Variants in SCFD2 observed in about 807,000 individuals in gnomAD.
SCFD2 encodes the protein sec1 family domain containing 2.
SCFD2 carries 54 observed loss-of-function variants against 58.9 expected under a neutral mutation model. That is an observed-to-expected ratio of 0.92 (90% CI 0.74 to 1.15). The LOEUF (loss-of-function observed/expected upper bound fraction) is 1.15, where lower values mean the gene tolerates loss of function less well. Among genes scored for constraint, SCFD2 ranks in the 50% most tolerant of loss-of-function variants. SCFD2 has a pLI of 0.00. For missense variants in SCFD2, 805 were observed against 836.6 expected (o/e 0.96, Z 0.47); for synonymous variants, 321 against 335.9 (o/e 0.96, Z 0.49).
intron 3 of SCFD2, among the ~76,000 whole-genome samples, chr4:53,288,371 GA>G (rs1731735587): frequency 6.6e-6 from 1 of 152,074 alleles, no homozygotes; most frequent in African/African-American, 2.4e-5. Context: ...CAAGTCTTAG[GA>G]AAGATAGGGA....
At chr4:53,281,388 A>T (rs1731504675) in intron 3 of SCFD2, among the ~76,000 whole-genome samples, 1 of 152,200 alleles carries the variant, frequency 6.6e-6, no homozygotes, top group South Asian at 2.1e-4. Context: ...AGAAATGCAT[A>T]TATATCATAG....
intron 5 of SCFD2, among the ~76,000 whole-genome samples, chr4:52,940,351 C>T (rs1016358601): frequency 6.6e-6 from 1 of 152,134 alleles, no homozygotes; most frequent in Non-Finnish European, 1.5e-5. Flanking sequence ...AGGGAGATCC[C>T]TCCCACATGG....
intron 4 of SCFD2, among the ~76,000 whole-genome samples, chr4:53,257,340 A>G (rs1268437087): frequency 2.0e-5 from 3 of 152,208 alleles, no homozygotes; most frequent in African/African-American, 7.2e-5. Flanking sequence ...AAGAGTGCAG[A>G]AAGAAACAGC....
At chr4:53,185,335 C>T (rs1272934398) in intron 4 of SCFD2, among the ~76,000 whole-genome samples, 1 of 152,020 alleles carries the variant, frequency 6.6e-6, no homozygotes, top group African/African-American at 2.4e-5. Flanking sequence ...AAATGCTGCT[C>T]TGAATAGGAA....
intron 5 of SCFD2, among the ~76,000 whole-genome samples, chr4:52,993,521 C>T (rs563317368): frequency 3.9e-5 from 6 of 152,260 alleles, no homozygotes; most frequent in East Asian, 1.9e-4. Flanking sequence ...GAAGCAGCTC[C>T]GCATTTTAGT....
intron 2 of SCFD2, among the ~76,000 whole-genome samples, chr4:53,329,053 A>G (rs891444967): frequency 1.3e-5 from 2 of 152,208 alleles, no homozygotes; most frequent in Non-Finnish European, 2.9e-5. Flanking sequence ...AAAAAACGGC[A>G]CACCACGAGA....
At chr4:52,892,559 C>T (rs1380687514) in intron 7 of SCFD2, among the ~76,000 whole-genome samples, 1 of 152,190 alleles carries the variant, frequency 6.6e-6, no homozygotes, top group East Asian at 1.9e-4. Flanking sequence ...ATTGCCTTCA[C>T]TCACCTCAAT....
chr4:53,331,873 G>C (rs1223443123), intron 2 of SCFD2, among the ~76,000 whole-genome samples: 4 of 151,348 alleles, frequency 2.6e-5, no homozygotes, highest in African/African-American at 4.9e-5. Flanking sequence ...GAAAAAAAGA[G>C]AGAAGAATCA....
intron 5 of SCFD2, chr4:52,956,387 T>G (rs1036360779): frequency 1.3e-5 from 5 of 372,572 alleles, no homozygotes; most frequent in African/African-American, 1.1e-4. Flanking sequence ...CCAGCTTAAA[T>G]TATCTTAAGG....
chr4:53,254,050 C>A (rs1730503560), intron 4 of SCFD2, among the ~76,000 whole-genome samples: 2 of 151,976 alleles, frequency 1.3e-5, no homozygotes, highest in African/African-American at 2.4e-5. Context: ...GATGAGAACA[C>A]ATGGACAAAT....
intron 5 of SCFD2, among the ~76,000 whole-genome samples, chr4:52,995,364 C>T (rs1721721746): frequency 2.0e-5 from 3 of 152,186 alleles, no homozygotes; most frequent in Non-Finnish European, 4.4e-5. Flanking sequence ...CGGTAATGCT[C>T]CCTTGCCCAC....
intron 5 of SCFD2, among the ~76,000 whole-genome samples, chr4:53,026,515 T>C (rs1722477523): frequency 6.6e-6 from 1 of 152,220 alleles, no homozygotes; most frequent in Admixed American, 6.5e-5. Context: ...TTTTAAATGA[T>C]GCACTAAATG....
chr4:53,159,932 G>C (rs999523315), intron 4 of SCFD2, among the ~76,000 whole-genome samples: 10 of 152,160 alleles, frequency 6.6e-5, no homozygotes. Flanking sequence ...GCACTTAAGA[G>C]ATATGCACAA....
At chr4:53,249,180 G>A (rs1253421902) in intron 4 of SCFD2, among the ~76,000 whole-genome samples, 12 of 152,210 alleles carry the variant, frequency 7.9e-5, no homozygotes, top group Non-Finnish European at 1.8e-4. Flanking sequence ...AGGAGCCGAT[G>A]AGATAAACTG....
chr4:53,365,011 T>C lies in SCFD2; in HGVS notation c.838+93A>G, dbSNP rs569819178. On this transcript the variant is annotated intron_variant, in intron 1 of 8. Transcript: ENST00000401642. This position sits in a 1 kb window ranked among gnomAD's most constrained non-coding sequence, Gnocchi z 4.3. ...TCATCTTTGTATCCTCAATCTAATA[T>C]ATAATAAAAGGTCAATAAAATATAT... 1.4e-6 allele frequency: 2 copies of C among 1,420,562 alleles called. No homozygotes were observed. The highest frequency in any genetic ancestry group is 4.6e-5 in the East Asian group (2 of 43,784). The allele number at this position is 1,420,562 out of a possible 1,614,324, so 88.0% of individuals were successfully genotyped here.
chr4:52,952,655 C>T (rs1720627312), intron 5 of SCFD2, among the ~76,000 whole-genome samples: 1 of 152,168 alleles, frequency 6.6e-6, no homozygotes, highest in African/African-American at 2.4e-5. Flanking sequence ...TAGGTGACCC[C>T]AGCATGGATT....
chr4:53,341,938 A>G (rs1733890551), intron 2 of SCFD2, among the ~76,000 whole-genome samples: 1 of 152,260 alleles, frequency 6.6e-6, no homozygotes, highest in African/African-American at 2.4e-5. Context: ...GGTCTGCTTT[A>G]CAAGAGCTCC....
At chr4:53,121,900 T>A (rs1323092582) in intron 5 of SCFD2, among the ~76,000 whole-genome samples, 1 of 152,226 alleles carries the variant, frequency 6.6e-6, no homozygotes, top group Non-Finnish European at 1.5e-5. Context: ...AATGCTAATA[T>A]AAGCAGCTAC....
chr4:53,190,312 GCC>G (rs1727855135), intron 4 of SCFD2, among the ~76,000 whole-genome samples: 1 of 152,124 alleles, frequency 6.6e-6, no homozygotes, highest in African/African-American at 2.4e-5. Context: ...GGTCTACAAG[GCC>G]CTACAGGCTC....
Sources: gnomAD v4.1 joint callset for allele counts (sites outside exome capture counted in the v4.1 genomes callset) on GRCh38, gnomAD v4.1.1 for gene constraint, Gnocchi (gnomAD v3.1) non-coding constraint, MANE v1.5 for transcripts, NCBI Gene and HGNC (gene_info 2026-07-23, HGNC 2026-07-21) for gene names.